The following CFAP95 variants were observed in gnomAD, a reference collection of about 807,000 sequenced individuals.
The protein encoded by CFAP95 is cilia- and flagella-associated protein 95.
the CFAP95 span, among the ~76,000 whole-genome samples, chr9:69,874,232 G>A: frequency 3.3e-5 from 5 of 152,190 alleles, no homozygotes; most frequent in Admixed American, 2.6e-4. Context: ...ATAAACACCA[G>A]AATTCTAAGT....
At chr9:69,838,004 C>T in the CFAP95 span, among the ~76,000 whole-genome samples, 2 of 152,186 alleles carry the variant, frequency 1.3e-5, 1 homozygote, top group South Asian at 4.2e-4. Flanking sequence ...TTCCCCATTG[C>T]TTGTTTTTCT....
chr9:69,843,557 C>CCTTCTTCTTCTT, the CFAP95 span, among the ~76,000 whole-genome samples: 15 of 14,714 alleles, frequency 1.0e-3, no homozygotes, highest in East Asian at 3.5e-3. Flanking sequence ...TCCTCCTCCT[C>CCTTCTTCTTCTT]CTTCTTCTTC....
At chr9:69,842,033 C>G in the CFAP95 span, among the ~76,000 whole-genome samples, 1 of 152,190 alleles carries the variant, frequency 6.6e-6, no homozygotes, top group Non-Finnish European at 1.5e-5. Context: ...GTTTTCAGAA[C>G]TGCTGAAGAT....
chr9:69,829,989 A>T, the CFAP95 span, among the ~76,000 whole-genome samples: 2 of 152,186 alleles, frequency 1.3e-5, no homozygotes, highest in Non-Finnish European at 2.9e-5. Flanking sequence ...ATATTCCTGG[A>T]TGATTGATTA....
chr9:69,878,430 C>T, the CFAP95 span, among the ~76,000 whole-genome samples: 2 of 152,186 alleles, frequency 1.3e-5, no homozygotes, highest in Non-Finnish European at 2.9e-5. Flanking sequence ...CTCCTGTCTT[C>T]CATATAATCC....
the CFAP95 span, among the ~76,000 whole-genome samples, chr9:69,864,230 T>A: frequency 1.3e-5 from 2 of 152,226 alleles, no homozygotes. Flanking sequence ...CAAACATTTA[T>A]GTAATCCACA....
chr9:69,857,053 A>G, the CFAP95 span, among the ~76,000 whole-genome samples: 7 of 152,132 alleles, frequency 4.6e-5, no homozygotes, highest in Non-Finnish European at 1.5e-5. Flanking sequence ...TTACAAAAGC[A>G]TCTACTTCGT....
chr9:69,882,383 C>G, the CFAP95 span, among the ~76,000 whole-genome samples: 2 of 152,182 alleles, frequency 1.3e-5, no homozygotes, highest in East Asian at 1.9e-4. Flanking sequence ...AAGATCATGT[C>G]ATGTGCAAAC....
At chr9:69,903,992 G>A in the CFAP95 span, among the ~76,000 whole-genome samples, 1 of 152,180 alleles carries the variant, frequency 6.6e-6, no homozygotes, top group Non-Finnish European at 1.5e-5. Context: ...CCAAAGTGTT[G>A]GGATTACAGG....
At chr9:69,852,165 A>AT in the CFAP95 span, among the ~76,000 whole-genome samples, 1,321 of 118,496 alleles carry the variant, frequency 0.011, 9 homozygotes, top group African/African-American at 0.015. Flanking sequence ...CTTTGTATAT[A>AT]TTTTTTTTTT....
the CFAP95 span, among the ~76,000 whole-genome samples, chr9:69,838,117 C>T: frequency 6.6e-6 from 1 of 152,142 alleles, no homozygotes. Flanking sequence ...CAGTACCATG[C>T]TGTTTTGGTG....
At chr9:69,844,499 T>A in the CFAP95 span, 4 of 1,524,666 alleles carry the variant, frequency 2.6e-6, no homozygotes, top group Non-Finnish European at 3.6e-6. Context: ...CTTAACGGAC[T>A]CCTAATTTTT....
chr9:69,846,295 G>T, the CFAP95 span, among the ~76,000 whole-genome samples: 1 of 152,008 alleles, frequency 6.6e-6, no homozygotes, highest in Non-Finnish European at 1.5e-5. Context: ...TATTATATGC[G>T]TTACAGTGGT....
At chr9:69,888,763 A>G in the CFAP95 span, among the ~76,000 whole-genome samples, 1 of 152,116 alleles carries the variant, frequency 6.6e-6, no homozygotes, top group Non-Finnish European at 1.5e-5. Context: ...CTGTAATTCC[A>G]GCTACTTGGG....
At chr9:69,900,389 A>C in the CFAP95 span, among the ~76,000 whole-genome samples, 1 of 152,224 alleles carries the variant, frequency 6.6e-6, no homozygotes, top group Admixed American at 6.5e-5. Context: ...CTGATGCCAG[A>C]AGGGAGGAGG....
At chr9:69,892,825 T>C in the CFAP95 span, among the ~76,000 whole-genome samples, 2 of 152,150 alleles carry the variant, frequency 1.3e-5, no homozygotes, top group African/African-American at 4.8e-5. Flanking sequence ...AAAGAAGACT[T>C]CAGCCAGGGA....
the CFAP95 span, chr9:69,844,671 T>A: frequency 2.2e-6 from 3 of 1,381,962 alleles, no homozygotes; most frequent in Non-Finnish European, 3.1e-6. Flanking sequence ...ATCTTTGTCA[T>A]AGTGAAACAT....
the CFAP95 span, among the ~76,000 whole-genome samples, chr9:69,831,575 G>C: frequency 1.3e-5 from 2 of 152,110 alleles, no homozygotes; most frequent in Admixed American, 1.3e-4. Flanking sequence ...AGATAGGAGT[G>C]GGGAGGGCTA....
the CFAP95 span, among the ~76,000 whole-genome samples, chr9:69,835,095 A>G: frequency 3.9e-5 from 6 of 152,182 alleles, no homozygotes; most frequent in African/African-American, 1.4e-4. Flanking sequence ...ATTTTCTTTT[A>G]AAGTTCTAGA....
Sources: allele counts gnomAD v4.1 joint callset (sites outside exome capture counted in the v4.1 genomes callset), GRCh38; gene constraint gnomAD v4.1.1; transcripts MANE v1.5; gene names NCBI Gene and HGNC (gene_info 2026-07-23, HGNC 2026-07-21).